The following RELL1 variants were observed in gnomAD, a reference collection of about 807,000 sequenced individuals.
RELL1 encodes RELT-like protein 1.
A neutral mutation model predicts 23.0 loss-of-function variants in RELL1; 10 were observed. The ratio of observed to expected loss-of-function variants is 0.43; its 90% CI spans 0.27 to 0.74. RELL1 has a LOEUF of 0.74. RELL1 is among the 30% of genes least tolerant of loss of function. RELL1 has a pLI of 0.19. For missense variants in RELL1, 315 were observed against 364.4 expected, an observed-to-expected ratio of 0.86 and a Z score of 1.10; for synonymous variants, 146 against 146.8, an observed-to-expected ratio of 0.99 and a Z score of 0.04.
chr4:37,650,985 C>T (rs999557886), intron 1 of RELL1, among the ~76,000 whole-genome samples: 1 of 148,722 alleles, frequency 6.7e-6, no homozygotes, highest in Non-Finnish European at 1.5e-5. Flanking sequence ...CTTGAGCCTG[C>T]GAGGCAGAGG....
rs146284298 is a variant in RELL1, at chr4:37,634,810, T to A, written c.680+77A>T. The A allele has an allele frequency of 1.6e-4, 197 of 1,196,282 alleles. 1 individual carries two copies. The highest frequency in any genetic ancestry group is 1.2e-5 in the Non-Finnish European group (10 of 800,698). 74.1% of individuals were successfully genotyped at this position (1,196,282 alleles called of 1,614,324 possible). A position where few individuals can be genotyped will look rare whatever the true frequency, so the allele number is the denominator to read the frequency against. ...ACAGGCACAGAGAACATATTCTACA[T>A]CTGACAGGTAAGCAGAAGTCCACAC... On this transcript the variant is annotated intron_variant, in intron 5 of 6. Coordinates refer to ENST00000454158, the MANE Select transcript of RELL1 (RefSeq NM_001085400.2).
downstream of RELL1, chr4:37,588,951 G>C (rs1718452049): frequency 7.1e-7 from 1 of 1,408,260 alleles, no homozygotes; most frequent in Non-Finnish European, 1.0e-6. Context: ...GATGAGCGTG[G>C]GGTCACTTTT....
chr4:37,669,376 G>A (rs556118897), intron 1 of RELL1, among the ~76,000 whole-genome samples: 4 of 128,234 alleles, frequency 3.1e-5, no homozygotes, highest in Non-Finnish European at 5.0e-5. Context: ...GTCAGTCCCC[G>A]GCCCGGCCAG....
intron 1 of RELL1, among the ~76,000 whole-genome samples, chr4:37,677,298 G>C (rs1371379442): frequency 6.6e-6 from 1 of 152,230 alleles, no homozygotes; most frequent in Non-Finnish European, 1.5e-5. Flanking sequence ...CCCAGAATGA[G>C]GAAAGACACT....
chr4:37,641,292 C>A (rs932176479), intron 3 of RELL1, among the ~76,000 whole-genome samples: 1 of 152,112 alleles, frequency 6.6e-6, no homozygotes, highest in Admixed American at 6.5e-5. Context: ...TACACACATG[C>A]GTCCCTGTCT....
At chr4:37,661,302 G>A (rs1721348828) in intron 1 of RELL1, among the ~76,000 whole-genome samples, 1 of 148,316 alleles carries the variant, frequency 6.7e-6, no homozygotes, top group Non-Finnish European at 1.5e-5. Flanking sequence ...TGTTTTTTGA[G>A]ACAGAGTCAC....
At chr4:37,619,753 CAG>C (rs1447073111) in intron 6 of RELL1, among the ~76,000 whole-genome samples, 5 of 151,884 alleles carry the variant, frequency 3.3e-5, no homozygotes, top group Non-Finnish European at 7.4e-5. Context: ...TTTTAATTTG[CAG>C]AGACAGGATC....
At chr4:37,665,535 G>T (rs1721503028) in intron 1 of RELL1, among the ~76,000 whole-genome samples, 1 of 152,188 alleles carries the variant, frequency 6.6e-6, no homozygotes, top group Non-Finnish European at 1.5e-5. Context: ...CTCACCAAAG[G>T]CTACTGCCCA....
At chr4:37,655,030 G>A (rs1296160974) in intron 1 of RELL1, among the ~76,000 whole-genome samples, 2 of 152,118 alleles carry the variant, frequency 1.3e-5, no homozygotes, top group Non-Finnish European at 2.9e-5. Context: ...ACTTTAAAAA[G>A]TATGTAGAGC....
intron 3 of RELL1, among the ~76,000 whole-genome samples, chr4:37,646,100 C>A (rs1720701935): frequency 6.6e-6 from 1 of 152,154 alleles, no homozygotes; most frequent in Non-Finnish European, 1.5e-5. Flanking sequence ...ACAGACAAAG[C>A]CCAGGGGAAA....
intron 1 of RELL1, among the ~76,000 whole-genome samples, chr4:37,683,431 T>C (rs1722286123): frequency 6.6e-6 from 1 of 152,212 alleles, no homozygotes; most frequent in African/African-American, 2.4e-5. Context: ...TGGAAGTAAG[T>C]ATTTCACAGG....
chr4:37,673,180 T>TTTTTC (rs1560359385), intron 1 of RELL1, among the ~76,000 whole-genome samples: 4 of 93,902 alleles, frequency 4.3e-5, no homozygotes, highest in South Asian at 3.5e-4. Context: ...TATATACTTT[T>TTTTTC]TTTTTCTTTT....
intron 6 of RELL1, among the ~76,000 whole-genome samples, chr4:37,617,647 A>G (rs1353011303): frequency 1.3e-5 from 2 of 152,048 alleles, no homozygotes; most frequent in African/African-American, 4.8e-5. Context: ...GCTGGGCATG[A>G]TGACGCATGC....
intron 4 of RELL1, among the ~76,000 whole-genome samples, chr4:37,637,238 C>T (rs1471599201): frequency 5.9e-5 from 9 of 152,334 alleles, no homozygotes; most frequent in East Asian, 3.9e-4. Context: ...TATGACTCTA[C>T]GTCTCTCCTA....
chr4:37,608,408 G>A (rs372553110), downstream of RELL1, among the ~76,000 whole-genome samples: 56 of 152,248 alleles, frequency 3.7e-4, no homozygotes, highest in African/African-American at 1.2e-3. Flanking sequence ...GCAAATACAC[G>A]AATGATAAGA....
At chr4:37,652,892 G>A (rs1720996693) in intron 1 of RELL1, among the ~76,000 whole-genome samples, 1 of 152,114 alleles carries the variant, frequency 6.6e-6, no homozygotes, top group African/African-American at 2.4e-5. Context: ...GCTCAGACCT[G>A]GCAGAAATAA....
In RELL1 at chr4:37,631,529, G is replaced by A. The variant is rs374120117; in HGVS notation, c.681-6C>T. The A allele has an allele frequency of 1.9e-6, 3 of 1,613,274 alleles. No individual in the cohort carries two copies. The highest frequency in any genetic ancestry group is 1.7e-5 in the Admixed American group (1 of 59,836). ...CCACTTTTGTAACTCTAAATCTGAG[G>A]GGGGAATGGGGAGAGGTGATGGGGT... On this transcript the variant is annotated splice_region_variant and splice_polypyrimidine_tract_variant and intron_variant, in intron 5 of 6. Coordinates refer to ENST00000454158, the MANE Select transcript of RELL1 (RefSeq NM_001085400.2).
downstream of RELL1, among the ~76,000 whole-genome samples, chr4:37,605,943 G>A (rs1719203454): frequency 7.0e-6 from 1 of 143,064 alleles, no homozygotes; most frequent in Non-Finnish European, 1.5e-5. Context: ...GAGAAGGAGA[G>A]AAAGAGGAAG....
intron 6 of RELL1, among the ~76,000 whole-genome samples, chr4:37,626,456 C>T (rs909363772): frequency 2.0e-5 from 3 of 152,164 alleles, no homozygotes; most frequent in East Asian, 1.9e-4. Flanking sequence ...GCAACCTGGG[C>T]GAGAGTGAGA....
Sources: gnomAD v4.1 joint callset for allele counts (sites outside exome capture counted in the v4.1 genomes callset) on GRCh38, gnomAD v4.1.1 for gene constraint, MANE v1.5 for transcripts, NCBI Gene and HGNC (gene_info 2026-07-23, HGNC 2026-07-21) for gene names.